ANP32B: variants seen among roughly 807,000 people sequenced by gnomAD.
ANP32B encodes the protein acidic nuclear phosphoprotein 32 family member B.
ANP32B carries 6 observed loss-of-function variants against 32.2 expected under a neutral mutation model. The ratio of observed to expected loss-of-function variants is 0.19; its 90% CI spans 0.10 to 0.37. The LOEUF is 0.37. Ranked by LOEUF, ANP32B falls within the 10% of genes least tolerant of loss-of-function variation. The pLI is 1.00. For missense variants in ANP32B, 204 were observed against 289.2 expected (o/e 0.71, Z 2.14); for synonymous variants, 98 against 105.8 (o/e 0.93, Z 0.45).
At chr9:97,986,438 A>G (rs1028085390) in intron 1 of ANP32B, 2 of 152,234 alleles carry the variant, frequency 1.3e-5, no homozygotes, top group African/African-American at 4.8e-5. Context: ...CCTTAGGGAG[A>G]CTGAGACCAG....
chr9:97,998,663 C>A lies in ANP32B; in HGVS notation c.312C>A (p.Ser104Arg). The change falls in exon 3 of 7, where the codon AGC becomes AGA. Residue 104 changes from serine to arginine, a missense_variant. Ser to Arg is a moderately radical substitution (Grantham distance 110). Transcript: ENST00000339399. ...GTGGAAATAAACTGAAAGATATCAG[C>A]ACCTTGGAACCTTTGGTAAGTAACT... ...NLSGNKLKDISTLEPLKKLEC... is the reference protein window; with the variant it reads ...NLSGNKLKDIRTLEPLKKLEC... The A allele has an allele frequency of 1.3e-6, 2 of 1,593,770 alleles. No homozygotes were observed. Among genetic ancestry groups the A allele is most frequent in the Non-Finnish European group, 1.7e-6 (2 of 1,173,042 alleles).
chr9:97,985,728 T>C (rs1239430154), intron 1 of ANP32B, among the ~76,000 whole-genome samples: 1 of 152,256 alleles, frequency 6.6e-6, no homozygotes, highest in Admixed American at 6.5e-5. Flanking sequence ...GGAAACACAG[T>C]TGGTCTGCTG....
intron 5 of ANP32B, 102 bp from the exon 6 acceptor site, chr9:98,012,319 T>G (rs1372750193): frequency 4.6e-6 from 6 of 1,310,010 alleles, no homozygotes; most frequent in Non-Finnish European, 6.3e-6. Flanking sequence ...TGATTGATAT[T>G]GTTGCATTTA....
chr9:97,989,781 A>G (rs1399398894), intron 1 of ANP32B, among the ~76,000 whole-genome samples: 3 of 152,230 alleles, frequency 2.0e-5, no homozygotes, highest in Non-Finnish European at 4.4e-5. Context: ...AGGAATGAAA[A>G]GAGATGAGGC....
At chr9:97,994,570 C>G in intron 1 of ANP32B, 61 bp from the exon 2 acceptor site, 2 of 1,532,634 alleles carry the variant, frequency 1.3e-6, no homozygotes. Context: ...GAAGTTTCTG[C>G]ATTGTTGTTT....
chr9:98,012,313 TGATA>T, intron 5 of ANP32B, 104 bp from the exon 6 acceptor site: 1 of 1,254,988 alleles, frequency 8.0e-7, no homozygotes. Context: ...CCTGCTTGAT[TGATA>T]TTGTTGCATT....
chr9:97,983,737 G>C lies in ANP32B; in HGVS notation c.54+128G>C, dbSNP rs558672953. 1.1e-5 allele frequency: 7 copies of C among 663,292 alleles called. No individual in the cohort carries two copies. The East Asian group carries it at 1.4e-4, about 13-fold the overall frequency. 41.1% of individuals were successfully genotyped at this position (663,292 alleles called of 1,614,324 possible). ...AAGAGCGCAGCTCGTGGGCTCGGACGGGGAAGGCGGGCGGGCGCGGAGGGG... is the reference window on the plus strand; with the variant it reads ...AAGAGCGCAGCTCGTGGGCTCGGACCGGGAAGGCGGGCGGGCGCGGAGGGG... On this transcript the variant is annotated intron_variant, in intron 1 of 6. Coordinates refer to ENST00000339399, the MANE Select transcript of ANP32B (RefSeq NM_006401.3).
chr9:98,015,356 C>T lies in ANP32B; in HGVS notation c.689-8C>T, dbSNP rs1250598974. 11 of 1,550,272 alleles carry T rather than the reference C, an allele frequency of 7.1e-6. No homozygotes were observed. Among genetic ancestry groups the T allele is most frequent in the Admixed American group, 5.9e-5 (3 of 50,862 alleles). The stretch of plus-strand genomic sequence containing the variant: ...ACTGTCCTAAAGTCAATTTTTGTTA[C>T]TGTACAGAGGAGGAAGAAGGTGGGA... On this transcript the variant is annotated splice_region_variant and splice_polypyrimidine_tract_variant and intron_variant, in intron 6 of 6. Transcript: ENST00000339399.
At chr9:98,014,243 TAA>T (rs1182173288) in intron 6 of ANP32B, among the ~76,000 whole-genome samples, 1 of 151,830 alleles carries the variant, frequency 6.6e-6, no homozygotes, top group Non-Finnish European at 1.5e-5. Flanking sequence ...CCGTCTCTAC[TAA>T]AAATACAAAA....
chr9:98,013,665 G>C, intron 6 of ANP32B, among the ~76,000 whole-genome samples: 1 of 152,148 alleles, frequency 6.6e-6, no homozygotes, highest in East Asian at 1.9e-4. Flanking sequence ...TTAGGAGGCC[G>C]AGGCAGGTGG....
At chr9:98,008,933 T>C (rs1203769207) in intron 4 of ANP32B, among the ~76,000 whole-genome samples, 2 of 152,208 alleles carry the variant, frequency 1.3e-5, no homozygotes, top group African/African-American at 4.8e-5. Flanking sequence ...AACTGGTCCC[T>C]GGTGCCAAAA....
At chr9:98,004,513 C>T (rs10984730) in intron 3 of ANP32B, among the ~76,000 whole-genome samples, 9,062 of 152,152 alleles carry the variant, frequency 0.06, 468 homozygotes, top group East Asian at 0.22. Flanking sequence ...ATTGTAAGCA[C>T]CCTAAGATTG....
At chr9:98,000,231 G>A (rs1446475472) in intron 3 of ANP32B, among the ~76,000 whole-genome samples, 1 of 151,990 alleles carries the variant, frequency 6.6e-6, no homozygotes, top group Non-Finnish European at 1.5e-5. Context: ...CTTCCATCTC[G>A]ACCTCCCAAA....
chr9:97,997,822 C>T (rs1164587161), intron 2 of ANP32B, among the ~76,000 whole-genome samples: 2 of 152,216 alleles, frequency 1.3e-5, no homozygotes, highest in Admixed American at 6.5e-5. Context: ...CCAATTCCTT[C>T]TACTCTAAGA....
In ANP32B at chr9:97,985,601, C is replaced by T. The variant is rs570692547; in HGVS notation, c.54+1992C>T. ...AGTAGCTAAAATTAGCCAAAGTGCC[C>T]GCAAGAGAAGTACACACGTGGGTCT... is the stretch of plus-strand genomic sequence containing the variant. On this transcript the variant is annotated intron_variant, in intron 1 of 6. Transcript: ENST00000339399. Among the ~76,000 whole-genome samples the T allele has an allele frequency of 4.6e-5, 7 of 152,254 alleles. No individual in the cohort carries two copies. The East Asian group carries it at 7.7e-4, about 17-fold the overall frequency.
chr9:97,999,275 A>G (rs974902526), intron 3 of ANP32B, among the ~76,000 whole-genome samples: 5 of 152,188 alleles, frequency 3.3e-5, no homozygotes, highest in African/African-American at 1.2e-4. Flanking sequence ...TTTGAAATTC[A>G]TGTATTGACT....
intron 4 of ANP32B, 67 bp from the exon 5 acceptor site, chr9:98,011,204 T>G (rs1346361525): frequency 3.3e-6 from 5 of 1,512,108 alleles, no homozygotes; most frequent in Middle Eastern, 1.7e-4. Flanking sequence ...AGCCCACAGA[T>G]CCTCAACACT....
chr9:97,998,468 G>A, intron 2 of ANP32B, 88 bp from the exon 3 acceptor site: 1 of 1,365,622 alleles, frequency 7.3e-7, no homozygotes, highest in South Asian at 1.6e-5. Flanking sequence ...AAATCTTTGA[G>A]AACTGTATTT....
intron 1 of ANP32B, among the ~76,000 whole-genome samples, chr9:97,990,912 G>A (rs1355157755): frequency 2.8e-5 from 4 of 144,558 alleles, no homozygotes; most frequent in African/African-American, 5.1e-5. Flanking sequence ...CCTCCGCCTC[G>A]CGGGTTCAAG....
Sources: gnomAD v4.1 joint callset for allele counts (sites outside exome capture counted in the v4.1 genomes callset) on GRCh38, gnomAD v4.1.1 for gene constraint, MANE v1.5 for transcripts, NCBI Gene and HGNC (gene_info 2026-07-23, HGNC 2026-07-21) for gene names.